Variants in MILR1 observed in about 807,000 individuals in gnomAD.
MILR1 encodes mast cell immunoglobulin like receptor 1.
In MILR1, 31 loss-of-function variants were observed where a neutral mutation model predicts 18.5. The observed-to-expected ratio is 1.68, with a 90% CI of 1.26 to 2.26. MILR1 has a LOEUF of 2.26. Ranked by LOEUF, MILR1 falls within the 30% of genes most tolerant of loss-of-function variation. MILR1 has a pLI of 0.00. For missense variants in MILR1, 257 were observed against 157.4 expected (o/e 1.63, Z -3.38); for synonymous variants, 85 against 56.2 (o/e 1.51, Z -2.30).
intron 9 of MILR1, 42 bp from the exon 10 acceptor site, chr17:64,468,268 G>T: frequency 2.2e-6 from 1 of 455,814 alleles, no homozygotes; most frequent in East Asian, 7.0e-5. Context: ...TCTTCACGTG[G>T]CCTTTTATAT....
the MILR1 span, chr17:64,496,953 C>G: frequency 6.2e-7 from 1 of 1,607,008 alleles, no homozygotes; most frequent in Non-Finnish European, 8.5e-7. Flanking sequence ...GCCCTGACGG[C>G]TACACGAGAG....
chr17:64,491,692 T>G, the MILR1 span: 2 of 1,110,994 alleles, frequency 1.8e-6, no homozygotes, highest in Non-Finnish European at 2.7e-6. Context: ...AAGGGGAGCA[T>G]CTCGGGGTTT....
chr17:64,457,695 C>T lies in MILR1; in HGVS notation c.652+11C>T. The stretch of plus-strand genomic sequence containing the variant: ...CCATGCCCTCAACAGGTAAGAGCAA[C>T]CTGAGTTCTTTCAGCCAGGTCTGAA... On this transcript the variant is annotated intron_variant, in intron 4 of 9. Transcript: ENST00000619286. 1 of 473,186 alleles carries T rather than the reference C, an allele frequency of 2.1e-6. No homozygotes were observed. The highest frequency in any genetic ancestry group is 3.9e-6 in the Non-Finnish European group (1 of 259,068). 29.3% of individuals were successfully genotyped at this position (473,186 alleles called of 1,614,324 possible).
At chr17:64,481,167 A>C in the MILR1 span, 1 of 551,886 alleles carries the variant, frequency 1.8e-6, no homozygotes, top group Non-Finnish European at 2.3e-6. Context: ...AAATCTCTCC[A>C]GACATTACTA....
intron 4 of MILR1, among the ~76,000 whole-genome samples, chr17:64,459,001 C>T (rs1384525774): frequency 2.6e-5 from 4 of 152,144 alleles, no homozygotes; most frequent in Non-Finnish European, 5.9e-5. Context: ...AGGTCGGGAG[C>T]GGGGCAGCCC....
chr17:64,490,082 A>C, the MILR1 span, among the ~76,000 whole-genome samples: 5 of 152,002 alleles, frequency 3.3e-5, no homozygotes, highest in Non-Finnish European at 7.4e-5. Flanking sequence ...AAGCCACCAC[A>C]TCCAGCTAAT....
intron 3 of MILR1, among the ~76,000 whole-genome samples, chr17:64,453,304 G>C (rs1329731038): frequency 6.6e-6 from 1 of 151,678 alleles, no homozygotes; most frequent in Non-Finnish European, 1.5e-5. Flanking sequence ...CCTGACCTCA[G>C]GTGATCCGCC....
chr17:64,471,929 G>A (rs1349136868), downstream of MILR1, among the ~76,000 whole-genome samples: 1 of 152,176 alleles, frequency 6.6e-6, no homozygotes, highest in Non-Finnish European at 1.5e-5. Context: ...TCAACATATT[G>A]TAAAAACTTG....
the MILR1 span, chr17:64,496,823 T>A: frequency 6.2e-7 from 1 of 1,613,564 alleles, no homozygotes; most frequent in South Asian, 1.1e-5. Context: ...CCCCTCGAGC[T>A]CCGCGTGCGA....
chr17:64,459,049 G>C (rs1359358519), intron 4 of MILR1, among the ~76,000 whole-genome samples: 9 of 152,214 alleles, frequency 5.9e-5, no homozygotes, highest in Non-Finnish European at 4.4e-5. Flanking sequence ...GCCACGTCCT[G>C]ATGCCAAACT....
At chr17:64,480,479 T>C in the MILR1 span, 60 of 619,578 alleles carry the variant, frequency 9.7e-5, no homozygotes, top group African/African-American at 9.4e-4. Context: ...AATCACCCTC[T>C]TCAATCTCTA....
chr17:64,469,484 G>A (rs188938878), downstream of MILR1, among the ~76,000 whole-genome samples: 49 of 152,256 alleles, frequency 3.2e-4, no homozygotes, highest in Middle Eastern at 6.8e-3. Context: ...TGCAACCTCC[G>A]CCTCCCGGAT....
intron 3 of MILR1, among the ~76,000 whole-genome samples, chr17:64,456,578 A>T (rs2037305500): frequency 6.6e-6 from 1 of 152,124 alleles, no homozygotes; most frequent in East Asian, 1.9e-4. Flanking sequence ...TGGGAGGCTG[A>T]GGTGGGAAAA....
chr17:64,486,431 C>T, the MILR1 span, among the ~76,000 whole-genome samples: 1 of 151,308 alleles, frequency 6.6e-6, no homozygotes, highest in Non-Finnish European at 1.5e-5. Flanking sequence ...CATGATCTCA[C>T]CTCATTGCCA....
At chr17:64,493,018 G>T in the MILR1 span, 2 of 1,613,978 alleles carry the variant, frequency 1.2e-6, no homozygotes, top group East Asian at 2.2e-5. Flanking sequence ...GTGTTCCAAG[G>T]CACCTGTCAA....
chr17:64,493,416 T>TA, the MILR1 span, among the ~76,000 whole-genome samples: 51 of 149,844 alleles, frequency 3.4e-4, 1 homozygote, highest in Middle Eastern at 3.4e-3. Flanking sequence ...AACCCTGTCT[T>TA]AAAAAAAAAC....
chr17:64,450,368 G>T (rs1285029764), intron 2 of MILR1, among the ~76,000 whole-genome samples: 1 of 152,152 alleles, frequency 6.6e-6, no homozygotes, highest in Non-Finnish European at 1.5e-5. Context: ...CCAAGGTGGT[G>T]GTTGTTACTG....
At chr17:64,472,574 G>A (rs74320842), downstream of MILR1, among the ~76,000 whole-genome samples, 453 of 149,052 alleles carry the variant, frequency 3.0e-3, 2 homozygotes, top group African/African-American at 0.011. Flanking sequence ...ATAAAATGGG[G>A]TCCCAAAAAA....
chr17:64,485,936 G>T, the MILR1 span: 11 of 1,479,954 alleles, frequency 7.4e-6, no homozygotes, highest in Non-Finnish European at 9.4e-6. Flanking sequence ...TTTTTGAGAC[G>T]GAGTCTCACT....
Sources: gnomAD v4.1 joint callset for allele counts (sites outside exome capture counted in the v4.1 genomes callset) on GRCh38, gnomAD v4.1.1 for gene constraint, MANE v1.5 for transcripts, NCBI Gene and HGNC (gene_info 2026-07-23, HGNC 2026-07-21) for gene names.